SMIM40: variants seen among roughly 807,000 people sequenced by gnomAD.
SMIM40 encodes the protein small integral membrane protein 40.
chr6:33,324,181 C>T (rs1478404268), intron 1 of SMIM40, among the ~76,000 whole-genome samples, 151 bp from the exon 2 acceptor site: 1 of 152,170 alleles, frequency 6.6e-6, no homozygotes, highest in Non-Finnish European at 1.5e-5. Flanking sequence ...GTCCGTTGAA[C>T]AATCCCACAT....
intron 1 of SMIM40, among the ~76,000 whole-genome samples, chr6:33,326,343 G>GT: frequency 2.1e-5 from 2 of 94,504 alleles, no homozygotes; most frequent in East Asian, 2.5e-4. Context: ...TGTATTTTTT[G>GT]TATTTTTTTT....
At chr6:33,326,072 T>C (rs1412530101) in intron 1 of SMIM40, among the ~76,000 whole-genome samples, 4 of 149,120 alleles carry the variant, frequency 2.7e-5, no homozygotes, top group Admixed American at 2.6e-4. Context: ...ATAAAGTTTG[T>C]GGGGAAGTGG....
intron 1 of SMIM40, among the ~76,000 whole-genome samples, chr6:33,326,499 C>T (rs1391774427): frequency 6.7e-6 from 1 of 148,774 alleles, no homozygotes; most frequent in Non-Finnish European, 1.5e-5. Flanking sequence ...TTCAATTCCA[C>T]TGGACAATAA....
intron 1 of SMIM40, among the ~76,000 whole-genome samples, chr6:33,326,480 C>T (rs1315130690): frequency 6.7e-6 from 1 of 148,572 alleles, no homozygotes; most frequent in Non-Finnish European, 1.5e-5. Context: ...CCGGCCATCA[C>T]TATGATATTT....
intron 1 of SMIM40, among the ~76,000 whole-genome samples, chr6:33,327,287 T>G (rs1005551550): frequency 6.7e-6 from 1 of 149,448 alleles, no homozygotes; most frequent in Non-Finnish European, 1.5e-5. Flanking sequence ...CTGGGCGTGG[T>G]GGCTCGCGCC....
intron 1 of SMIM40, among the ~76,000 whole-genome samples, chr6:33,326,833 A>ATAAAT (rs1458221095): frequency 6.8e-6 from 1 of 147,030 alleles, no homozygotes; most frequent in Non-Finnish European, 1.5e-5. Context: ...CAAAAAATAA[A>ATAAAT]AAAATAGGCC....
intron 1 of SMIM40, among the ~76,000 whole-genome samples, chr6:33,325,570 G>C (rs1056011600): frequency 6.8e-6 from 1 of 147,798 alleles, no homozygotes; most frequent in Non-Finnish European, 1.5e-5. Flanking sequence ...GGCCAGGCAC[G>C]GTGGCTCACG....
At chr6:33,325,686 C>CA (rs9280407) in intron 1 of SMIM40, among the ~76,000 whole-genome samples, 1,734 of 98,652 alleles carry the variant, frequency 0.018, 54 homozygotes, top group East Asian at 0.049. Context: ...CTAAAAATAC[C>CA]AAAAAAAAAA....
intron 1 of SMIM40, among the ~76,000 whole-genome samples, chr6:33,327,516 C>G (rs1481196730): frequency 6.7e-6 from 1 of 149,444 alleles, no homozygotes; most frequent in Non-Finnish European, 1.5e-5. Flanking sequence ...ATTGCTTGAT[C>G]TCAGGATTAC....
chr6:33,329,047 C>T lies in SMIM40; in HGVS notation c.219G>A (p.Lys73=). Residue 73 remains lysine (K), a synonymous_variant, in exon 1 of 3, where the codon AAG becomes AAA. Coordinates refer to ENST00000494082, the MANE Select transcript of SMIM40 (RefSeq NM_001369203.1). ...GTGGTCACAATTCCAGCTCCTCCTC[C>T]TTCTGAGGTGTCCCCAGGAGCCAGT... ...LGDWLLGTPQ[K]EEELEL is the part of the protein sequence containing the mutation. 2 of 398,802 alleles carry T rather than the reference C, an allele frequency of 5.0e-6. No individual in the cohort carries two copies. The highest frequency in any genetic ancestry group is 8.8e-6 in the Non-Finnish European group (2 of 226,220). 24.7% of individuals were successfully genotyped at this position (398,802 alleles called of 1,614,324 possible). A position where few individuals can be genotyped will look rare whatever the true frequency, so the allele number is the denominator to read the frequency against.
At chr6:33,328,331 A>G (rs1771341693) in intron 1 of SMIM40, among the ~76,000 whole-genome samples, 1 of 150,918 alleles carries the variant, frequency 6.6e-6, no homozygotes, top group Admixed American at 6.6e-5. Context: ...GCAGAGAATC[A>G]GGTGCCCACC....
intron 1 of SMIM40, among the ~76,000 whole-genome samples, chr6:33,326,365 A>G (rs1019365374): frequency 5.5e-5 from 8 of 144,648 alleles, no homozygotes; most frequent in Non-Finnish European, 1.2e-4. Context: ...TTTAGTGGAT[A>G]TGGGTTTTTG....
chr6:33,328,237 G>A (rs371599587), intron 1 of SMIM40, among the ~76,000 whole-genome samples: 1 of 150,714 alleles, frequency 6.6e-6, no homozygotes, highest in East Asian at 2.0e-4. Flanking sequence ...CACCCAGGCC[G>A]GAGTGCAATG....
rs1374041142 is a variant in SMIM40 at position 33,324,803 on chromosome 6, C to A, written c.*40-773G>T. 4.5e-5 allele frequency among the ~76,000 whole-genome samples: 6 copies of A among 133,462 alleles called. No homozygotes were observed. The South Asian group carries it at 1.4e-3, about 31-fold the overall frequency. The allele number at this position is 133,462 out of a possible 152,430, so 87.6% of individuals were successfully genotyped here. ...AGGAGGCTGAGGCAGGAGAACCGCT[C>A]GAATCCGGGAGGCGGAGGTTGCAGT... On this transcript the variant is annotated intron_variant, in intron 1 of 2. Coordinates refer to ENST00000494082, the MANE Select transcript of SMIM40 (RefSeq NM_001369203.1).
intron 1 of SMIM40, 69 bp downstream of exon 1, chr6:33,328,918 C>T (rs1771382570): frequency 2.6e-6 from 1 of 386,934 alleles, no homozygotes; most frequent in Non-Finnish European, 4.5e-6. Context: ...AAGACTGCTG[C>T]CCTAAGCTAT....
chr6:33,324,956 G>A (rs1319759978), intron 1 of SMIM40, among the ~76,000 whole-genome samples: 1 of 149,688 alleles, frequency 6.7e-6, no homozygotes, highest in Non-Finnish European at 1.5e-5. Flanking sequence ...CTGGAATGCG[G>A]TGGTACGGTC....
intron 1 of SMIM40, among the ~76,000 whole-genome samples, chr6:33,326,997 G>A (rs1416369449): frequency 6.7e-6 from 1 of 148,152 alleles, no homozygotes; most frequent in Non-Finnish European, 1.5e-5. Context: ...AGTGGCGGGC[G>A]CCTGTAGTCC....
rs533473439 is a variant in SMIM40 at position 33,328,321 on chromosome 6, G to A, written c.*39+666C>T. ...CTGCCTCAGCCTCTGAGTAGCTGAG[G>A]CAGAGAATCAGGTGCCCACCAACTT... On this transcript the variant is annotated intron_variant, in intron 1 of 2. Transcript: ENST00000494082. Among the ~76,000 whole-genome samples, 3 of 151,084 alleles carry A rather than the reference G, an allele frequency of 2.0e-5. No homozygotes were observed. The East Asian group carries it at 6.2e-4, about 31-fold the overall frequency.
intron 1 of SMIM40, among the ~76,000 whole-genome samples, chr6:33,327,251 G>A (rs1360988090): frequency 6.8e-6 from 1 of 147,658 alleles, no homozygotes; most frequent in African/African-American, 2.6e-5. Context: ...TGACACCCCC[G>A]TCTCTACTAA....
Sources: allele counts gnomAD v4.1 joint callset (sites outside exome capture counted in the v4.1 genomes callset), GRCh38; gene constraint gnomAD v4.1.1; transcripts MANE v1.5; gene names NCBI Gene and HGNC (gene_info 2026-07-23, HGNC 2026-07-21).